The following HSD17B3 variants were observed in gnomAD, a reference collection of about 807,000 sequenced individuals.
HSD17B3 encodes hydroxysteroid 17-beta dehydrogenase 3, also known as 17-beta-hydroxysteroid dehydrogenase type 3.
Under a neutral mutation model 41.1 loss-of-function variants are expected in HSD17B3, and 29 were observed. The observed-to-expected ratio is 0.71, with a 90% confidence interval of 0.53 to 0.96. The LOEUF (loss-of-function observed/expected upper bound fraction) is 0.96, where lower values mean the gene tolerates loss of function less well. HSD17B3 is among the 40% of genes least tolerant of loss of function. HSD17B3 has a pLI of 0.00. For synonymous variants in HSD17B3, 126 were observed against 145.6 expected, an observed-to-expected ratio of 0.87 and a Z score of 0.97; for missense variants, 323 against 374.6, an observed-to-expected ratio of 0.86 and a Z score of 1.14.
intron 2 of HSD17B3, among the ~76,000 whole-genome samples, chr9:96,259,619 G>C (rs1208478357): frequency 6.6e-6 from 1 of 152,052 alleles, no homozygotes; most frequent in Non-Finnish European, 1.5e-5. Context: ...TACTCAGGGG[G>C]CTGAGGCAGG....
At chr9:96,296,003 C>T (rs1291905008) in intron 2 of HSD17B3, among the ~76,000 whole-genome samples, 3 of 152,046 alleles carry the variant, frequency 2.0e-5, no homozygotes, top group Non-Finnish European at 4.4e-5. Context: ...AATCCCAGTA[C>T]TTTGGGAGGC....
chr9:96,295,071 A>C (rs1827298035), intron 2 of HSD17B3, among the ~76,000 whole-genome samples: 1 of 141,014 alleles, frequency 7.1e-6, no homozygotes, highest in Non-Finnish European at 1.5e-5. Flanking sequence ...CAGTGGCACA[A>C]TCTCGGCCCA....
At chr9:96,271,761 T>A (rs887884743) in intron 2 of HSD17B3, among the ~76,000 whole-genome samples, 1 of 152,212 alleles carries the variant, frequency 6.6e-6, no homozygotes, top group Non-Finnish European at 1.5e-5. Flanking sequence ...TTACAGTTGC[T>A]AATCTTCATC....
chr9:96,292,623 C>T (rs544596149), intron 2 of HSD17B3, among the ~76,000 whole-genome samples: 23 of 152,342 alleles, frequency 1.5e-4, no homozygotes, highest in African/African-American at 5.5e-4. Context: ...GCTGGGATTA[C>T]AGGCAGGAGC....
At chr9:96,298,362 G>C (rs1220728233) in intron 2 of HSD17B3, 54 bp downstream of exon 2, 1 of 1,388,556 alleles carries the variant, frequency 7.2e-7, no homozygotes, top group Admixed American at 1.7e-5. Context: ...GGATGTCTCA[G>C]GACTGTGATT....
At chr9:96,288,761 C>A (rs1185897411) in intron 2 of HSD17B3, among the ~76,000 whole-genome samples, 1 of 151,962 alleles carries the variant, frequency 6.6e-6, no homozygotes, top group Non-Finnish European at 1.5e-5. Flanking sequence ...ATGTTGAAAC[C>A]CCATCTCTAC....
chr9:96,295,014 T>G lies in HSD17B3; in HGVS notation c.201+3402A>C, dbSNP rs1421050324. On this transcript the variant is annotated intron_variant, in intron 2 of 10. Transcript: ENST00000375263. ...CAGACACGAGGAGCTTTTTTTTTTT[T>G]TTTTTTTTTTTGAGATGGTGTCTCG... Among the ~76,000 whole-genome samples the G allele has an allele frequency of 2.1e-5, 3 of 145,302 alleles. No individual in the cohort carries two copies. In the East Asian group the frequency reaches 6.1e-4, roughly 29 times the overall value.
In HSD17B3 at chr9:96,244,388, C is replaced by A; in HGVS notation, c.613G>T (p.Val205Leu). ...YSMYSASKAF[V>L]CAFSKALQEE... ...TGCAGGGCCTTGGAAAATGCGCACA[C>A]AAACGCCTGGAGCAAGAAGGAGAGA... is the stretch of plus-strand genomic sequence containing the variant. Residue 205 changes from valine to leucine, a missense_variant, in exon 9 of 11, where the codon GTG becomes TTG. Physicochemically the swap from Val to Leu is conservative, Grantham distance 32. Transcript: ENST00000375263. 6.2e-7 allele frequency: 1 copy of A among 1,614,184 alleles called. No individual in the cohort carries two copies. The highest frequency in any genetic ancestry group is 8.5e-7 in the Non-Finnish European group (1 of 1,180,036).
chr9:96,258,480 C>A (rs139463383), intron 2 of HSD17B3, among the ~76,000 whole-genome samples: 2 of 152,188 alleles, frequency 1.3e-5, no homozygotes, highest in Non-Finnish European at 2.9e-5. Context: ...TCAATCTCCA[C>A]GCCAGGGCCA....
chr9:96,259,693 C>T (rs1825792645), intron 2 of HSD17B3, among the ~76,000 whole-genome samples: 1 of 150,868 alleles, frequency 6.6e-6, no homozygotes, highest in Non-Finnish European at 1.5e-5. Flanking sequence ...TGCACTCCAG[C>T]CTGGGCGACA....
Position 96,240,896 on chromosome 9 carries a change from T to C in HSD17B3, c.684A>G (p.Pro228=). ...AKEVIIQVLT[P]YAVSTAMTKY... The stretch of plus-strand genomic sequence containing the variant: ...TTGTCATTGCAGTCGAGACAGCATA[T>C]GGGGTCAGCACCTACAACGGGAAAC... The change falls in exon 10 of 11, where the codon CCA becomes CCG. Residue 228 remains proline, a synonymous_variant. Transcript: ENST00000375263. The C allele has an allele frequency of 6.2e-7, 1 of 1,614,182 alleles. No homozygotes were observed. The highest frequency in any genetic ancestry group is 8.5e-7 in the Non-Finnish European group (1 of 1,180,022).
intron 2 of HSD17B3, among the ~76,000 whole-genome samples, chr9:96,278,921 AG>A (rs1347968488): frequency 6.6e-6 from 1 of 152,320 alleles, no homozygotes; most frequent in East Asian, 1.9e-4. Context: ...AGCTCAGTGG[AG>A]CCCCAGCTCT....
chr9:96,275,093 G>GA (rs202020484), intron 2 of HSD17B3, among the ~76,000 whole-genome samples: 3,676 of 145,996 alleles, frequency 0.025, 194 homozygotes, highest in Admixed American at 0.14. Flanking sequence ...ATACTGAAAG[G>GA]AAAAAAAAAA....
intron 2 of HSD17B3, among the ~76,000 whole-genome samples, chr9:96,288,537 T>G (rs920556283): frequency 3.3e-5 from 5 of 152,028 alleles, no homozygotes; most frequent in African/African-American, 1.2e-4. Context: ...TCCTAGAGCC[T>G]TGGGAGGCCG....
intron 2 of HSD17B3, among the ~76,000 whole-genome samples, chr9:96,277,721 A>C (rs943666654): frequency 2.0e-5 from 3 of 152,222 alleles, no homozygotes; most frequent in Non-Finnish European, 2.9e-5. Context: ...AAGGAAATGA[A>C]ATCAGTATGT....
intron 2 of HSD17B3, among the ~76,000 whole-genome samples, chr9:96,269,205 T>C (rs1273357053): frequency 6.6e-6 from 1 of 152,166 alleles, no homozygotes; most frequent in Non-Finnish European, 1.5e-5. Context: ...TGGTAAGTAA[T>C]TGTGTTATGT....
intron 7 of HSD17B3, among the ~76,000 whole-genome samples, chr9:96,245,775 C>A (rs1836638908): frequency 6.6e-6 from 1 of 152,144 alleles, no homozygotes; most frequent in Non-Finnish European, 1.5e-5. Context: ...GGAGAGAATC[C>A]TTCTCCCTTA....
chr9:96,240,976 C>T (rs1028064968), intron 9 of HSD17B3, 69 bp from the exon 10 acceptor site: 5 of 1,579,616 alleles, frequency 3.2e-6, no homozygotes, highest in Middle Eastern at 1.7e-4. Context: ...GAAATTAACA[C>T]TCAAGCCCCC....
intron 2 of HSD17B3, among the ~76,000 whole-genome samples, chr9:96,295,866 C>G (rs1312395094): frequency 6.6e-6 from 1 of 152,064 alleles, no homozygotes; most frequent in Non-Finnish European, 1.5e-5. Context: ...ATCCTAACCC[C>G]CAATGAGATG....
Sources: allele counts gnomAD v4.1 joint callset (sites outside exome capture counted in the v4.1 genomes callset), GRCh38; gene constraint gnomAD v4.1.1; transcripts MANE v1.5; gene names NCBI Gene and HGNC (gene_info 2026-07-23, HGNC 2026-07-21).